The following MAML3 variants were observed in gnomAD, a reference collection of about 807,000 sequenced individuals.
MAML3 encodes the protein mastermind-like protein 3.
A neutral mutation model predicts 101.9 loss-of-function variants in MAML3; 27 were observed. The ratio of observed to expected loss-of-function variants is 0.27; its 90% confidence interval spans 0.20 to 0.37. The LOEUF (loss-of-function observed/expected upper bound fraction) is 0.37, where lower values mean the gene tolerates loss of function less well. MAML3 is among the 10% of genes least tolerant of loss of function. The pLI is 1.00. For synonymous variants in MAML3, 501 were observed against 555.9 expected, an observed-to-expected ratio of 0.90 and a Z score of 1.39; for missense variants, 1,316 against 1,444.9, an observed-to-expected ratio of 0.91 and a Z score of 1.45.
chr4:139,975,528 T>A (rs1324381018), intron 1 of MAML3, among the ~76,000 whole-genome samples: 1 of 152,190 alleles, frequency 6.6e-6, no homozygotes, highest in Non-Finnish European at 1.5e-5. Context: ...TATTCTACCA[T>A]GTGATATGAT....
intron 1 of MAML3, among the ~76,000 whole-genome samples, chr4:140,063,174 T>C (rs544176680): frequency 9.8e-5 from 15 of 152,294 alleles, no homozygotes; most frequent in African/African-American, 3.4e-4. Context: ...TCAAGTTCGC[T>C]GGATTTCAAA....
intron 1 of MAML3, among the ~76,000 whole-genome samples, chr4:140,145,057 C>T (rs1729036779): frequency 1.3e-5 from 2 of 152,042 alleles, no homozygotes; most frequent in South Asian, 2.1e-4. Flanking sequence ...ACAGTTGCAA[C>T]CCAGGTTGAA....
In MAML3 at chr4:139,885,336, T is replaced by G. The variant is rs528166062; in HGVS notation, c.2079+4021A>C. 3.9e-5 allele frequency among the ~76,000 whole-genome samples: 6 copies of G among 151,936 alleles called. No homozygotes were observed. The South Asian group carries it at 1.3e-3, about 32-fold the overall frequency. On this transcript the variant is annotated intron_variant, in intron 2 of 4. Coordinates refer to ENST00000509479, the MANE Select transcript of MAML3 (RefSeq NM_018717.5). The stretch of plus-strand genomic sequence containing the variant: ...TGGGAAGATGGCTTGAGTCCAGGAA[T>G]TCAAAGCTGCAGTGAGCTATGATAG...
At chr4:139,768,557 G>A (rs1170046326) in intron 2 of MAML3, among the ~76,000 whole-genome samples, 1 of 152,148 alleles carries the variant, frequency 6.6e-6, no homozygotes, top group African/African-American at 2.4e-5. Context: ...GCTTACAGTT[G>A]TAAATACCTC....
intron 4 of MAML3, among the ~76,000 whole-genome samples, chr4:139,722,007 G>T (rs1247220521): frequency 6.6e-6 from 1 of 152,186 alleles, no homozygotes; most frequent in Non-Finnish European, 1.5e-5. Context: ...TGATTGGATA[G>T]ACCCAAATTA....
chr4:139,795,489 A>G (rs1730497101), intron 2 of MAML3, among the ~76,000 whole-genome samples: 1 of 152,200 alleles, frequency 6.6e-6, no homozygotes, highest in Non-Finnish European at 1.5e-5. Flanking sequence ...TTTCCTGTTA[A>G]ATTGTCAAAT....
chr4:140,119,278 G>T (rs1346867782), intron 1 of MAML3, among the ~76,000 whole-genome samples: 2 of 152,118 alleles, frequency 1.3e-5, no homozygotes, highest in African/African-American at 2.4e-5. Flanking sequence ...TAATAGGTGC[G>T]CTTGAAATGG....
intron 1 of MAML3, among the ~76,000 whole-genome samples, chr4:140,028,933 T>C (rs1016913712): frequency 6.6e-6 from 1 of 152,258 alleles, no homozygotes; most frequent in African/African-American, 2.4e-5. Context: ...CTCCTTTTTT[T>C]CCTTCTATTT....
chr4:139,726,481 G>C (rs1156538620), intron 3 of MAML3, among the ~76,000 whole-genome samples: 1 of 152,172 alleles, frequency 6.6e-6, no homozygotes, highest in Non-Finnish European at 1.5e-5. Flanking sequence ...GCTGAGGGAA[G>C]GGGTTTTGAC....
chr4:139,900,416 G>C (rs549091942), intron 1 of MAML3, among the ~76,000 whole-genome samples: 4 of 152,264 alleles, frequency 2.6e-5, no homozygotes, highest in African/African-American at 9.6e-5. Flanking sequence ...GGAATGGATC[G>C]TAAAACATCA....
chr4:140,041,488 G>T (rs543816954), intron 1 of MAML3, among the ~76,000 whole-genome samples: 1 of 152,296 alleles, frequency 6.6e-6, no homozygotes, highest in East Asian at 1.9e-4. Flanking sequence ...GCTGGGCTTG[G>T]TGGTGCACAC....
intron 2 of MAML3, among the ~76,000 whole-genome samples, chr4:139,868,305 T>C (rs891060481): frequency 6.6e-6 from 1 of 152,232 alleles, no homozygotes; most frequent in Non-Finnish European, 1.5e-5. Flanking sequence ...ACAGTACTGT[T>C]GATATTGGAT....
chr4:139,937,849 C>T (rs1316042099), intron 1 of MAML3, among the ~76,000 whole-genome samples: 1 of 152,160 alleles, frequency 6.6e-6, no homozygotes, highest in East Asian at 1.9e-4. Flanking sequence ...AGGAGAACTA[C>T]ATCCATAAAT....
intron 1 of MAML3, among the ~76,000 whole-genome samples, chr4:140,072,973 G>A (rs1229526627): frequency 6.6e-6 from 1 of 152,170 alleles, no homozygotes; most frequent in African/African-American, 2.4e-5. Flanking sequence ...TTTCCTGGGT[G>A]AAATTTCTCT....
chr4:139,875,676 A>G (rs1732102442), intron 2 of MAML3, among the ~76,000 whole-genome samples: 1 of 152,064 alleles, frequency 6.6e-6, no homozygotes. Context: ...GGTGTCATGA[A>G]TAAGGGCGTT....
intron 1 of MAML3, among the ~76,000 whole-genome samples, chr4:139,933,725 CCAAT>C (rs1440292091): frequency 2.0e-5 from 3 of 152,296 alleles, no homozygotes; most frequent in African/African-American, 7.2e-5. Flanking sequence ...TCCAATTTGG[CCAAT>C]CAAACTTCAG....
At chr4:140,093,431 T>TA (rs926131544) in intron 1 of MAML3, among the ~76,000 whole-genome samples, 1 of 149,798 alleles carries the variant, frequency 6.7e-6, no homozygotes, top group African/African-American at 2.5e-5. Flanking sequence ...TTTTTTTTTT[T>TA]TTTGAGACAG....
At chr4:139,859,451 C>A (rs1731727377) in intron 2 of MAML3, among the ~76,000 whole-genome samples, 1 of 151,894 alleles carries the variant, frequency 6.6e-6, no homozygotes, top group South Asian at 2.1e-4. Flanking sequence ...AAGCGACCCA[C>A]CTGCCTCGAC....
chr4:140,120,663 A>AATT (rs1274965895), intron 1 of MAML3, among the ~76,000 whole-genome samples: 2 of 152,366 alleles, frequency 1.3e-5, no homozygotes, highest in Non-Finnish European at 1.5e-5. Context: ...GGTCACAGCT[A>AATT]AGATCGAATA....
Sources: allele counts gnomAD v4.1 joint callset (sites outside exome capture counted in the v4.1 genomes callset), GRCh38; gene constraint gnomAD v4.1.1; transcripts MANE v1.5; gene names NCBI Gene and HGNC (gene_info 2026-07-23, HGNC 2026-07-21).